The following PCDHA5 variants were observed in gnomAD, a reference collection of about 807,000 sequenced individuals.
The protein encoded by PCDHA5 is protocadherin alpha-5.
A neutral mutation model predicts 61.6 loss-of-function variants in PCDHA5; 43 were observed. The observed-to-expected ratio is 0.70, with a 90% CI of 0.55 to 0.90. The LOEUF (loss-of-function observed/expected upper bound fraction) is 0.90. Among genes scored for constraint, PCDHA5 ranks in the 40% least tolerant of loss-of-function variants. The pLI is 0.00. For synonymous variants in PCDHA5, 627 were observed against 543.9 expected (o/e 1.15, Z -2.13); for missense variants, 1,298 against 1,222.7 (o/e 1.06, Z -0.92).
At chr5:140,968,410 T>A (rs1554230678) in intron 1 of PCDHA5, 2 of 1,614,040 alleles carry the variant, frequency 1.2e-6, no homozygotes, top group Non-Finnish European at 1.7e-6. Flanking sequence ...TCTTTGTGAC[T>A]GTGGAGGCTC....
chr5:140,928,846 C>T, intron 1 of PCDHA5: 1 of 1,614,192 alleles, frequency 6.2e-7, no homozygotes, highest in Non-Finnish European at 8.5e-7. Context: ...CTCTGTCACT[C>T]TGGGTGTGCT....
intron 1 of PCDHA5, among the ~76,000 whole-genome samples, chr5:140,899,774 C>T (rs966615256): frequency 3.9e-5 from 6 of 152,122 alleles, no homozygotes; most frequent in African/African-American, 1.4e-4. Context: ...CCTCCTTTTA[C>T]CTCTGGTATA....
chr5:140,883,238 G>C (rs782322627), intron 1 of PCDHA5: 1 of 1,613,886 alleles, frequency 6.2e-7, no homozygotes, highest in African/African-American at 1.3e-5. Context: ...GGAGGCAGTT[G>C]ACAAAGGAAA....
Position 140,941,319 on chromosome 5 carries a change from C to CT in PCDHA5, c.2353-37615dup, listed in dbSNP as rs70988781. On this transcript the variant is annotated intron_variant, in intron 1 of 3. Transcript: ENST00000529859. Reference sequence around the variant, plus strand: ...TTCTTTCTTTCTTTTTCTTCTTTCTCTTTTTTTTTTTTTTTCAGATGGAGT... The same window carrying CT: ...TTCTTTCTTTCTTTTTCTTCTTTCTCTTTTTTTTTTTTTTTTCAGATGGAGT... Among the ~76,000 whole-genome samples the CT allele has an allele frequency of 1.3e-3, 140 of 104,384 alleles. 3 individuals are homozygous for CT. The highest frequency in any genetic ancestry group is 2.9e-3 in the South Asian group (9 of 3,126). The allele number at this position is 104,384 out of a possible 152,430, so 68.5% of individuals were successfully genotyped here.
intron 1 of PCDHA5, chr5:140,825,852 C>T (rs1378132475): frequency 2.0e-5 from 3 of 152,420 alleles, no homozygotes; most frequent in African/African-American, 7.2e-5. Flanking sequence ...ATGATACAAA[C>T]TCCCCTCTTG....
chr5:140,999,403 A>G (rs1325467300), intron 3 of PCDHA5, among the ~76,000 whole-genome samples: 7 of 152,176 alleles, frequency 4.6e-5, no homozygotes, highest in African/African-American at 1.7e-4. Context: ...TTTGCATATG[A>G]AAGAATGGGA....
At chr5:140,834,627 G>T (rs1773156912) in intron 1 of PCDHA5, 4 of 1,614,188 alleles carry the variant, frequency 2.5e-6, no homozygotes, top group Non-Finnish European at 3.4e-6. Context: ...TCTGCAGAAT[G>T]GCATTTTGTT....
intron 3 of PCDHA5, among the ~76,000 whole-genome samples, chr5:141,000,094 C>G (rs782020096): frequency 1.3e-5 from 2 of 152,128 alleles, no homozygotes; most frequent in Non-Finnish European, 2.9e-5. Flanking sequence ...GTGAATGGAG[C>G]TCAACTCCGT....
chr5:141,004,369 C>A (rs1239142670), intron 3 of PCDHA5, among the ~76,000 whole-genome samples: 1 of 152,206 alleles, frequency 6.6e-6, no homozygotes, highest in Non-Finnish European at 1.5e-5. Flanking sequence ...ACACCTTGTT[C>A]TGCTCTGCGG....
intron 3 of PCDHA5, among the ~76,000 whole-genome samples, chr5:140,996,953 TCCCTCAATC>T (rs1554255576): frequency 6.6e-6 from 1 of 152,202 alleles, no homozygotes; most frequent in Non-Finnish European, 1.5e-5. Flanking sequence ...AATATTTATT[TCCCTCAATC>T]CCACTCCCCT....
intron 1 of PCDHA5, among the ~76,000 whole-genome samples, chr5:140,906,614 TTTG>T (rs1448753363): frequency 6.6e-6 from 1 of 152,208 alleles, no homozygotes; most frequent in Non-Finnish European, 1.5e-5. Flanking sequence ...CTGTATTCCC[TTTG>T]CCTTCAGCAA....
chr5:140,941,996 A>G (rs951664999), intron 1 of PCDHA5, among the ~76,000 whole-genome samples: 1 of 152,220 alleles, frequency 6.6e-6, no homozygotes, highest in Non-Finnish European at 1.5e-5. Flanking sequence ...AGGGATTCAT[A>G]TCTCTTATTA....
At position 140,842,873 on chromosome 5, in the gene PCDHA5, T is replaced by A. The variant is rs2150346910; in HGVS notation, c.2352+18746T>A. On this transcript the variant is annotated intron_variant, in intron 1 of 3. Coordinates refer to ENST00000529859, the MANE Select transcript of PCDHA5 (RefSeq NM_018908.3). Reference sequence around the variant, plus strand: ...GGTGCACACGGAGAGCGGCAAGGTGTACGCGCTGCAGCCGCTGGACCACGA... The same window carrying A: ...GGTGCACACGGAGAGCGGCAAGGTGAACGCGCTGCAGCCGCTGGACCACGA... 38 of 1,593,718 alleles carry A rather than the reference T, an allele frequency of 2.4e-5. 5 individuals carry two copies. The highest frequency in any genetic ancestry group is 2.3e-4 in the African/African-American group (17 of 74,220).
At chr5:140,830,348 C>G in intron 1 of PCDHA5, 1 of 1,614,076 alleles carries the variant, frequency 6.2e-7, no homozygotes, top group Non-Finnish European at 8.5e-7. Flanking sequence ...GTACTCGCAG[C>G]AGAGGCGGCA....
intron 1 of PCDHA5, among the ~76,000 whole-genome samples, chr5:140,832,237 T>C (rs1554133481): frequency 4.6e-5 from 7 of 152,218 alleles, no homozygotes. Flanking sequence ...TTTGACTTTT[T>C]GTGTTGTCCA....
In PCDHA5 at chr5:140,830,371, C is replaced by T. The variant is rs142388736; in HGVS notation, c.2352+6244C>T. 3.7e-5 allele frequency: 60 copies of T among 1,614,002 alleles called. No individual in the cohort carries two copies. In the Middle Eastern group the frequency reaches 6.6e-4, roughly 18 times the overall value. ...AGCAGAGGCGGCAGAGGGTGTGCTC[C>T]GGGGAGGGCCCACCCAAGATGGATC... On this transcript the variant is annotated intron_variant, in intron 1 of 3. Transcript: ENST00000529859.
intron 1 of PCDHA5, among the ~76,000 whole-genome samples, chr5:140,924,692 C>T (rs1421659285): frequency 2.0e-5 from 3 of 151,910 alleles, no homozygotes; most frequent in Admixed American, 6.6e-5. Flanking sequence ...GTCAGGAGTT[C>T]GAGACCAGCT....
At position 140,850,814 on chromosome 5, in the gene PCDHA5, C is replaced by A. The variant is rs2150499236; in HGVS notation, c.2352+26687C>A. The A allele has an allele frequency of 8.1e-6, 13 of 1,598,168 alleles. 1 individual carries two copies. In the South Asian group the frequency reaches 1.4e-4, roughly 18 times the overall value. On this transcript the variant is annotated intron_variant, in intron 1 of 3. Transcript: ENST00000529859. ...AGAAGACCGACCTCATGGCCTTCAG[C>A]CCGGGCCTTTCTCCTTGTGCTGGAT...
In PCDHA5 at chr5:140,927,952, G is replaced by C. The variant is rs1352026553; in HGVS notation, c.2353-50997G>C. 6 of 1,614,064 alleles carry C rather than the reference G, an allele frequency of 3.7e-6. No homozygotes were observed. In the African/African-American group the frequency reaches 8.0e-5, roughly 22 times the overall value. On this transcript the variant is annotated intron_variant, in intron 1 of 3. Coordinates refer to ENST00000529859, the MANE Select transcript of PCDHA5 (RefSeq NM_018908.3). ...TTCGAACCCAGTACCTGAGGACGCTGCCCCTGGCACAGTGATTGCTCTCTT... is the reference window on the plus strand; with the variant it reads ...TTCGAACCCAGTACCTGAGGACGCTCCCCCTGGCACAGTGATTGCTCTCTT...
Sources: allele counts gnomAD v4.1 joint callset (sites outside exome capture counted in the v4.1 genomes callset), GRCh38; gene constraint gnomAD v4.1.1; transcripts MANE v1.5; gene names NCBI Gene and HGNC (gene_info 2026-07-23, HGNC 2026-07-21).